ANKRD36B: variants seen among roughly 807,000 people sequenced by gnomAD.
The protein encoded by ANKRD36B is ankyrin repeat domain-containing protein 36B.
Under a neutral mutation model 135.7 loss-of-function variants are expected in ANKRD36B, and 37 were observed. The ratio of observed to expected loss-of-function variants is 0.27; its 90% CI spans 0.21 to 0.36. The LOEUF is 0.36. Ranked by LOEUF, ANKRD36B falls within the 10% of genes least tolerant of loss-of-function variation. ANKRD36B has a pLI of 1.00. For synonymous variants in ANKRD36B, 179 were observed against 348.1 expected (o/e 0.51, Z 5.41); for missense variants, 549 against 1,037.1 (o/e 0.53, Z 6.46).
chr2:97,563,301 A>G (rs1399445673), intron 6 of ANKRD36B, among the ~76,000 whole-genome samples: 1 of 151,950 alleles, frequency 6.6e-6, no homozygotes, highest in Non-Finnish European at 1.5e-5. Flanking sequence ...CAGGTATAAA[A>G]AAGACAAGCT....
At chr2:97,525,118 T>G (rs1448279119) in intron 35 of ANKRD36B, 3 of 97,414 alleles carry the variant, frequency 3.1e-5, no homozygotes, top group African/African-American at 9.2e-5. Context: ...AACTAAGAAG[T>G]GAAAAATAAT....
rs547651205 is a variant in ANKRD36B at position 97,552,984 on chromosome 2, C to T, written c.1273+184G>A. On this transcript the variant is annotated intron_variant, in intron 16 of 43. Transcript: ENST00000359901. ...GTGTATAATCTTACTGCGAAGATCA[C>T]GTTCCAAGCCAGCAGCATTAGCGTC... Among the ~76,000 whole-genome samples the T allele has an allele frequency of 4.0e-4, 61 of 152,002 alleles. 1 individual carries two copies. The highest frequency in any genetic ancestry group is 3.3e-3 in the East Asian group (17 of 5,116).
chr2:97,576,884 T>G (rs1012010499), intron 5 of ANKRD36B, among the ~76,000 whole-genome samples: 67 of 152,224 alleles, frequency 4.4e-4, no homozygotes, highest in African/African-American at 1.4e-3. Context: ...GTGGAGCTTG[T>G]TCTTGAACTT....
At chr2:97,575,074 T>C (rs986459014) in intron 6 of ANKRD36B, among the ~76,000 whole-genome samples, 3 of 151,384 alleles carry the variant, frequency 2.0e-5, no homozygotes, top group African/African-American at 7.3e-5. Flanking sequence ...TTTTGAGTAA[T>C]CTTACTTGTT....
chr2:97,512,974 A>G (rs1422045181), intron 38 of ANKRD36B, among the ~76,000 whole-genome samples: 3 of 132,022 alleles, frequency 2.3e-5, no homozygotes, highest in Non-Finnish European at 4.5e-5. Context: ...GTAGAATAGC[A>G]TTGTTTTCAA....
At chr2:97,516,190 TGTA>T (rs1384044051) in intron 36 of ANKRD36B, among the ~76,000 whole-genome samples, 8 of 45,108 alleles carry the variant, frequency 1.8e-4, no homozygotes, top group African/African-American at 4.1e-4. Flanking sequence ...AGATAGGTCC[TGTA>T]AAAAAAAAAA....
intron 43 of ANKRD36B, among the ~76,000 whole-genome samples, chr2:97,494,565 G>C (rs2077283606): frequency 9.4e-6 from 1 of 106,898 alleles, no homozygotes; most frequent in African/African-American, 2.6e-5. Flanking sequence ...CTCCCACTAG[G>C]TCCCACCTCC....
At chr2:97,565,531 AG>A (rs1270402897) in intron 6 of ANKRD36B, among the ~76,000 whole-genome samples, 1 of 152,250 alleles carries the variant, frequency 6.6e-6, no homozygotes, top group East Asian at 1.9e-4. Flanking sequence ...CTCATCAAAA[AG>A]TGGGCAAAGG....
At chr2:97,565,377 G>C (rs1415230254) in intron 6 of ANKRD36B, among the ~76,000 whole-genome samples, 2 of 151,756 alleles carry the variant, frequency 1.3e-5, no homozygotes, top group African/African-American at 4.8e-5. Flanking sequence ...GATTACCCTG[G>C]CCAGAACTTC....
chr2:97,582,998 T>G (rs2442298), intron 3 of ANKRD36B, among the ~76,000 whole-genome samples: 2,298 of 149,556 alleles, frequency 0.015, 24 homozygotes, highest in Non-Finnish European at 0.022. Flanking sequence ...TTATTTTAGG[T>G]AAAATATAAA....
At chr2:97,551,903 C>T (rs1365394274) in intron 16 of ANKRD36B, among the ~76,000 whole-genome samples, 1 of 151,934 alleles carries the variant, frequency 6.6e-6, no homozygotes. Context: ...AAACATGCAT[C>T]ATGCTCTTTA....
rs2922587 is a variant in ANKRD36B at position 97,560,647 on chromosome 2, T to A, written c.865+18A>T. On this transcript the variant is annotated intron_variant, in intron 8 of 43. Transcript: ENST00000359901. ...TATCTTGATTGAACATGACATTAGA[T>A]GTGTTTTGCAAAATTACCTGTCCCA... 1 of 1,600,968 alleles carries A rather than the reference T, an allele frequency of 6.2e-7. No homozygotes were observed. Among genetic ancestry groups the A allele is most frequent in the Non-Finnish European group, 8.5e-7 (1 of 1,177,978 alleles).
chr2:97,547,296 A>G (rs1408409436), intron 22 of ANKRD36B: 1 of 472,898 alleles, frequency 2.1e-6, no homozygotes, highest in African/African-American at 2.0e-5. Context: ...TTATGCCTTG[A>G]ACTGCTCACC....
At chr2:97,533,470 A>G (rs1340261784) in intron 34 of ANKRD36B, among the ~76,000 whole-genome samples, 1 of 96,664 alleles carries the variant, frequency 1.0e-5, no homozygotes, top group African/African-American at 3.1e-5. Flanking sequence ...TTCAGATTCA[A>G]TTACACCATT....
intron 14 of ANKRD36B, among the ~76,000 whole-genome samples, chr2:97,554,525 A>G (rs1301728129): frequency 6.6e-6 from 1 of 151,908 alleles, no homozygotes; most frequent in Admixed American, 6.6e-5. Flanking sequence ...AAGTGAGTTC[A>G]CTCAGGTCTC....
At chr2:97,558,745 A>G (rs1413408289) in intron 10 of ANKRD36B, 54 bp downstream of exon 10, 3 of 1,605,886 alleles carry the variant, frequency 1.9e-6, no homozygotes, top group Non-Finnish European at 2.6e-6. Context: ...CGGGGAAGAG[A>G]AGTACTTTTC....
intron 32 of ANKRD36B, among the ~76,000 whole-genome samples, chr2:97,536,824 A>G (rs557400028): frequency 1.0e-5 from 1 of 97,194 alleles, no homozygotes; most frequent in East Asian, 2.3e-4. Context: ...AACCCTAGAA[A>G]TAAGTGTAAA....
intron 4 of ANKRD36B, among the ~76,000 whole-genome samples, chr2:97,579,556 T>C (rs1240665534): frequency 6.8e-6 from 1 of 146,970 alleles, no homozygotes. Flanking sequence ...TAATAATATA[T>C]CCTTCAAGGG....
chr2:97,585,187 A>G (rs1292501318), intron 2 of ANKRD36B, 70 bp from the exon 3 acceptor site: 3 of 1,607,974 alleles, frequency 1.9e-6, no homozygotes, highest in African/African-American at 1.3e-5. Context: ...AGGATTTCCT[A>G]CTAGTTATAT....
Sources: allele counts gnomAD v4.1 joint callset (sites outside exome capture counted in the v4.1 genomes callset), GRCh38; gene constraint gnomAD v4.1.1; transcripts MANE v1.5; gene names NCBI Gene and HGNC (gene_info 2026-07-23, HGNC 2026-07-21).